The following MUC5AC variants were observed in gnomAD, a reference collection of about 807,000 sequenced individuals.
MUC5AC encodes the protein mucin 5AC, oligomeric mucus/gel-forming.
A neutral mutation model predicts 169.7 loss-of-function variants in MUC5AC; 158 were observed. The observed-to-expected ratio is 0.93, with a 90% CI of 0.82 to 1.06. MUC5AC has a LOEUF of 1.06. Ranked by LOEUF, MUC5AC falls within the 50% of genes least tolerant of loss-of-function variation. The pLI is 0.00. For missense variants in MUC5AC, 4,359 were observed against 3,089.9 expected (o/e 1.41, Z -9.74); for synonymous variants, 1,975 against 1,237.0 (o/e 1.60, Z -12.52).
intron 1 of MUC5AC, among the ~76,000 whole-genome samples, chr11:1,158,979 C>T (rs1389271712): frequency 1.3e-5 from 2 of 152,248 alleles, no homozygotes; most frequent in African/African-American, 4.8e-5. Context: ...ACCCTCATCT[C>T]AGAAGCAGGA....
chr11:1,192,361 A>G lies in MUC5AC; in HGVS notation c.14216A>G (p.Tyr4739Cys), dbSNP rs770853368. 5.2e-6 allele frequency: 4 copies of G among 764,842 alleles called. No homozygotes were observed. Among genetic ancestry groups the G allele is most frequent in the Non-Finnish European group, 9.6e-6 (4 of 417,858 alleles). 47.4% of individuals were successfully genotyped at this position (764,842 alleles called of 1,614,324 possible). Residue 4739 changes from tyrosine (Y) to cysteine (C), a missense_variant, in exon 31 of 49, where the codon TAT becomes TGT. Coordinates refer to ENST00000621226, the MANE Select transcript of MUC5AC (RefSeq NM_001304359.2). Reference sequence around the variant, plus strand: ...TGCCCGGTGACCTCTGTGACCCCATATGGGACTTCTCCTACCAATGCTCTG... The same window carrying G: ...TGCCCGGTGACCTCTGTGACCCCATGTGGGACTTCTCCTACCAATGCTCTG... ...RGCPVTSVTPYGTSPTNALYP... is the reference protein window; with the variant it reads ...RGCPVTSVTPCGTSPTNALYP...
At chr11:1,169,905 TTCAC>T (rs1860449746) in intron 15 of MUC5AC, among the ~76,000 whole-genome samples, 1 of 49,262 alleles carries the variant, frequency 2.0e-5, no homozygotes, top group African/African-American at 8.4e-5. Flanking sequence ...GACTCAACCA[TTCAC>T]TCACCCATTC....
At chr11:1,170,992 T>C (rs1860501946) in intron 15 of MUC5AC, among the ~76,000 whole-genome samples, 11 of 56,682 alleles carry the variant, frequency 1.9e-4, no homozygotes, top group African/African-American at 1.2e-3. Context: ...ACTCACCTAC[T>C]CACTCACCCA....
At chr11:1,162,912 T>G in intron 5 of MUC5AC, 43 bp from the exon 6 acceptor site, 1 of 1,549,140 alleles carries the variant, frequency 6.5e-7, no homozygotes, top group South Asian at 1.1e-5. Context: ...TCTGTCCATC[T>G]GCCCCTGGTG....
intron 11 of MUC5AC, among the ~76,000 whole-genome samples, chr11:1,166,231 C>T (rs1860321570): frequency 6.8e-6 from 1 of 147,230 alleles, no homozygotes; most frequent in African/African-American, 2.5e-5. Flanking sequence ...ACCCTGCACC[C>T]AACACACAGT....
chr11:1,184,586 C>T lies in MUC5AC; in HGVS notation c.6441C>T (p.Ile2147=). 2 of 623,558 alleles carry T rather than the reference C, an allele frequency of 3.2e-6. No individual in the cohort carries two copies. The highest frequency in any genetic ancestry group is 5.2e-5 in the East Asian group (2 of 38,418). The allele number at this position is 623,558 out of a possible 1,614,324, so 38.6% of individuals were successfully genotyped here. The change falls in exon 31 of 49, where the codon ATC becomes ATT. Residue 2147 remains isoleucine, a synonymous_variant. Transcript: ENST00000621226. The part of the protein sequence containing the change: ...GGDKETYNNI[I]RSGEKICRRP... ...ACAAGGAAACCTACAACAACATCATCAGGAGTGGGGAAAAAATCTGCCGCC... is the reference window on the plus strand; with the variant it reads ...ACAAGGAAACCTACAACAACATCATTAGGAGTGGGGAAAAAATCTGCCGCC...
rs1860936972 is a variant in MUC5AC at position 1,186,103 on chromosome 11, C to A, written c.7958C>A (p.Thr2653Asn). 1.1e-5 allele frequency: 8 copies of A among 748,440 alleles called. No homozygotes were observed. Among genetic ancestry groups the A allele is most frequent in the Admixed American group, 1.1e-4 (6 of 56,438 alleles). 46.4% of individuals were successfully genotyped at this position (748,440 alleles called of 1,614,324 possible). A position where few individuals can be genotyped will look rare whatever the true frequency, so the allele number is the denominator to read the frequency against. The change falls in exon 31 of 49, where the codon ACC (threonine) becomes AAC (asparagine). Residue 2653 changes from threonine to asparagine, a missense_variant. Coordinates refer to ENST00000621226, the MANE Select transcript of MUC5AC (RefSeq NM_001304359.2). ...ACCTCTGCTTCTACAACTAGCACAACCTCTGGTCCTGGAACTACTCCCAGC... is the reference window on the plus strand; with the variant it reads ...ACCTCTGCTTCTACAACTAGCACAAACTCTGGTCCTGGAACTACTCCCAGC... ...STTSASTTST[T>N]SGPGTTPSPV... is the part of the protein sequence containing the mutation.
Position 1,176,159 on chromosome 11 carries a change from G to T in MUC5AC, c.2410G>T (p.Ala804Ser), listed in dbSNP as rs1242769756. The T allele has an allele frequency of 1.0e-5, 4 of 398,520 alleles. No homozygotes were observed. Among genetic ancestry groups the T allele is most frequent in the Non-Finnish European group, 1.8e-5 (4 of 226,112 alleles). The allele number at this position is 398,520 out of a possible 1,614,324, so 24.7% of individuals were successfully genotyped here. The change falls in exon 20 of 49, where the codon GCG (alanine) becomes TCG (serine). Residue 804 changes from alanine to serine, a missense_variant. By Grantham distance (99) the Ala-to-Ser change is moderately conservative (BLOSUM62 1). Coordinates refer to ENST00000621226, the MANE Select transcript of MUC5AC (RefSeq NM_001304359.2). The stretch of plus-strand genomic sequence containing the variant: ...GGCCCCTCCCTCCCCAGTGTGTGCT[G>T]CGCCCATGGTGTTCTTTGACTGCCG... ...GGQAPAPVCAAPMVFFDCRNA... is the reference protein window; with the variant it reads ...GGQAPAPVCASPMVFFDCRNA...
chr11:1,196,259 G>A (rs993274789), intron 37 of MUC5AC, 129 bp from the exon 38 acceptor site: 53 of 672,624 alleles, frequency 7.9e-5, no homozygotes, highest in Non-Finnish European at 1.2e-4. Flanking sequence ...GGGTGTGGGA[G>A]GCCGTAGCCA....
In MUC5AC at chr11:1,199,926, C is replaced by T. The variant is rs760543347; in HGVS notation, c.16657C>T (p.Arg5553Cys). The T allele has an allele frequency of 9.2e-6, 7 of 764,358 alleles. No homozygotes were observed. The Admixed American group carries it at 1.0e-4, about 11-fold the overall frequency. The allele number at this position is 764,358 out of a possible 1,614,324, so 47.3% of individuals were successfully genotyped here. The change falls in exon 48 of 49, where the codon CGC (arginine) becomes TGC (cysteine). Residue 5553 changes from arginine to cysteine, a missense_variant. Arg to Cys is a radical substitution (Grantham distance 180). Transcript: ENST00000621226. ...GGGCTGCAGCTCCTCGGAGCCCGTG[C>T]GCCTGGCTTACTGCCGGGGGAACTG... is the stretch of plus-strand genomic sequence containing the variant. ...QQGCSSSEPV[R>C]LAYCRGNCGD...
At position 1,198,020 on chromosome 11, in the gene MUC5AC, C is replaced by T. The variant is rs938648972; in HGVS notation, c.16135+16C>T. 6.1e-6 allele frequency: 4 copies of T among 659,920 alleles called. No homozygotes were observed. In the Admixed American group the frequency reaches 6.7e-5, roughly 11 times the overall value. 40.9% of individuals were successfully genotyped at this position (659,920 alleles called of 1,614,324 possible). A position where few individuals can be genotyped will look rare whatever the true frequency, so the allele number is the denominator to read the frequency against. On this transcript the variant is annotated intron_variant, in intron 42 of 48. Transcript: ENST00000621226. ...CAAAACTGCAGTGAGTGGCCTGGAC[C>T]AGGCCCTGTCAGGGGCCGTGGGCTG...
chr11:1,186,208 C>T lies in MUC5AC; in HGVS notation c.8063C>T (p.Ser2688Phe), dbSNP rs1860939858. 1.3e-6 allele frequency: 1 copy of T among 751,708 alleles called. No homozygotes were observed. Among genetic ancestry groups the T allele is most frequent in the Non-Finnish European group, 2.4e-6 (1 of 410,570 alleles). The allele number at this position is 751,708 out of a possible 1,614,324, so 46.6% of individuals were successfully genotyped here. The change falls in exon 31 of 49, where the codon TCT (serine) becomes TTT (phenylalanine). Residue 2688 changes from serine (S) to phenylalanine (F), a missense_variant. Coordinates refer to ENST00000621226, the MANE Select transcript of MUC5AC (RefSeq NM_001304359.2). The stretch of plus-strand genomic sequence containing the variant: ...TCTACAACCAGCACAACCTCTGCTT[C>T]TACAACCAGCACAACCTCTGGTCCT... ...SASTTSTTSA[S>F]TTSTTSGPGT... is the part of the protein sequence containing the mutation.
intron 24 of MUC5AC, 122 bp from the exon 25 acceptor site, chr11:1,178,322 G>C (rs1379898833): frequency 2.8e-6 from 1 of 354,652 alleles, no homozygotes; most frequent in African/African-American, 2.1e-5. Context: ...TGGCCACCTG[G>C]GTGGGAGGAG....
In MUC5AC at chr11:1,186,750, A is replaced by C. The variant is rs1590146005; in HGVS notation, c.8605A>C (p.Thr2869Pro). The change falls in exon 31 of 49, where the codon ACC becomes CCC. Residue 2869 changes from threonine to proline, a missense_variant. Transcript: ENST00000621226. ...RTTSVPTSSTTSTATTSTTSG... is the reference protein window; with the variant it reads ...RTTSVPTSSTPSTATTSTTSG... ...AACCTCTGTCCCTACAAGCAGCACA[A>C]CCTCCACTGCTACAACCAGCACAAC... 3 of 734,154 alleles carry C rather than the reference A, an allele frequency of 4.1e-6. No individual in the cohort carries two copies. The East Asian group carries it at 7.6e-5, about 19-fold the overall frequency. 45.5% of individuals were successfully genotyped at this position (734,154 alleles called of 1,614,324 possible).
Position 1,178,428 on chromosome 11 carries a change from C to T in MUC5AC, c.3088-16C>T. On this transcript the variant is annotated splice_polypyrimidine_tract_variant and intron_variant, in intron 24 of 48. Coordinates refer to ENST00000621226, the MANE Select transcript of MUC5AC (RefSeq NM_001304359.2). Reference sequence around the variant, plus strand: ...GTTTGCTGCACCCACCTCCACCTCTCCCGGTGCCTCTGCAGGGCAGGGTCT... The same window carrying T: ...GTTTGCTGCACCCACCTCCACCTCTTCCGGTGCCTCTGCAGGGCAGGGTCT... 1.8e-6 allele frequency: 1 copy of T among 552,702 alleles called. No homozygotes were observed. Among genetic ancestry groups the T allele is most frequent in the Non-Finnish European group, 2.8e-6 (1 of 356,358 alleles). The allele number at this position is 552,702 out of a possible 1,614,324, so 34.2% of individuals were successfully genotyped here. A position where few individuals can be genotyped will look rare whatever the true frequency, so the allele number is the denominator to read the frequency against.
Position 1,200,447 on chromosome 11 carries a change from C to T in MUC5AC, c.16710C>T (p.Leu5570=), listed in dbSNP as rs780753259. 1.7e-5 allele frequency: 12 copies of T among 705,606 alleles called. No individual in the cohort carries two copies. Among genetic ancestry groups the T allele is most frequent in the East Asian group, 1.1e-4 (4 of 37,590 alleles). The allele number at this position is 705,606 out of a possible 1,614,324, so 43.7% of individuals were successfully genotyped here. A position where few individuals can be genotyped will look rare whatever the true frequency, so the allele number is the denominator to read the frequency against. Residue 5570 remains leucine, a synonymous_variant, in exon 49 of 49, where the codon CTC becomes CTT. Coordinates refer to ENST00000621226, the MANE Select transcript of MUC5AC (RefSeq NM_001304359.2). ...CAGCCCCTGCCCACAGGTACTCGCT[C>T]GAGGGCAACACGGTGGAGCACAGGT... ...NCGDSSSMYS[L]EGNTVEHRCQ...
chr11:1,177,395 G>GTC (rs1422697244), intron 23 of MUC5AC, 51 bp downstream of exon 23: 3 of 408,588 alleles, frequency 7.3e-6, no homozygotes, highest in African/African-American at 4.1e-5. Context: ...CCATGGCAGC[G>GTC]TCTGGTCAGG....
At chr11:1,193,732 C>T in intron 33 of MUC5AC, 73 bp downstream of exon 33, 1 of 735,028 alleles carries the variant, frequency 1.4e-6, no homozygotes, top group Non-Finnish European at 2.5e-6. Flanking sequence ...ATGGGCGGGG[C>T]AGAGGAGGGG....
intron 38 of MUC5AC, 62 bp downstream of exon 38, chr11:1,196,537 C>A (rs944413453): frequency 1.3e-6 from 1 of 764,102 alleles, no homozygotes; most frequent in African/African-American, 1.7e-5. Flanking sequence ...CCCAGCCTCC[C>A]GCTGCATCTC....
Sources: gnomAD v4.1 joint callset for allele counts (sites outside exome capture counted in the v4.1 genomes callset) on GRCh38, gnomAD v4.1.1 for gene constraint, MANE v1.5 for transcripts, NCBI Gene and HGNC (gene_info 2026-07-23, HGNC 2026-07-21) for gene names.